OPA1: variants seen among roughly 807,000 people sequenced by gnomAD.
OPA1 encodes the protein OPA1 mitochondrial dynamin like GTPase.
A neutral mutation model predicts 152.9 loss-of-function variants in OPA1; 59 were observed. That is an observed-to-expected ratio of 0.39 (90% CI 0.31 to 0.48). OPA1 has a LOEUF of 0.48. Among genes scored for constraint, OPA1 ranks in the 20% least tolerant of loss-of-function variants. The pLI is 0.96. For synonymous variants in OPA1, 400 were observed against 389.9 expected (o/e 1.03, Z -0.31); for missense variants, 1,008 against 1,216.8 (o/e 0.83, Z 2.55).
At chr3:193,618,644 G>T (rs551744312) in intron 5 of OPA1, 1 of 503,342 alleles carries the variant, frequency 2.0e-6, no homozygotes, top group Non-Finnish European at 3.5e-6. Context: ...ATTTTTAATT[G>T]TTAGGTTAAA....
chr3:193,684,446 C>CTT (rs67027119), intron 29 of OPA1, among the ~76,000 whole-genome samples: 82 of 105,902 alleles, frequency 7.7e-4, no homozygotes, highest in East Asian at 1.8e-3. Flanking sequence ...ATGGTACTAC[C>CTT]TTTTTTTTTT....
At chr3:193,617,325 A>T in intron 4 of OPA1, 40 bp downstream of exon 4, 1 of 1,211,192 alleles carries the variant, frequency 8.3e-7, no homozygotes, top group Non-Finnish European at 1.2e-6. Context: ...AAAATTTAAG[A>T]ACCATGGAGG....
At position 193,657,167 on chromosome 3, in the gene OPA1, A is replaced by G; in HGVS notation, c.2266A>G (p.Lys756Glu). 6.2e-7 allele frequency: 1 copy of G among 1,613,986 alleles called. No individual in the cohort carries two copies. The highest frequency in any genetic ancestry group is 8.5e-7 in the Non-Finnish European group (1 of 1,179,882). ...KEHDDIFDKL[K>E]EAVKEESIKR... ...GCATGATGACATATTTGATAAACTT[A>G]AAGAGGCTGTTAAGGAAGAAAGTAT... is the stretch of plus-strand genomic sequence containing the variant. Residue 756 changes from lysine (K) to glutamate (E), a missense_variant, in exon 23 of 31, where the codon AAA becomes GAA. This residue lies in a region of OPA1 where 229 missense variants were observed against 269.0 expected (regional missense o/e 0.85). Coordinates refer to ENST00000361510, the MANE Select transcript of OPA1 (RefSeq NM_130837.3).
chr3:193,642,144 A>G (rs766803607), intron 11 of OPA1, among the ~76,000 whole-genome samples: 20 of 152,018 alleles, frequency 1.3e-4, no homozygotes, highest in Non-Finnish European at 2.1e-4. Flanking sequence ...AACAAAACAA[A>G]ATTTCTTACC....
At chr3:193,630,682 G>A (rs1005672567) in intron 7 of OPA1, among the ~76,000 whole-genome samples, 2 of 152,022 alleles carry the variant, frequency 1.3e-5, no homozygotes, top group African/African-American at 4.8e-5. Flanking sequence ...TACAAGTTTT[G>A]ATTTTCAGAA....
intron 7 of OPA1, among the ~76,000 whole-genome samples, chr3:193,630,607 A>AAC (rs1163266899): frequency 1.3e-5 from 2 of 152,194 alleles, no homozygotes; most frequent in Non-Finnish European, 2.9e-5. Flanking sequence ...AATGAAGATC[A>AAC]ACAAGGATTT....
intron 8 of OPA1, among the ~76,000 whole-genome samples, chr3:193,632,384 G>A (rs1384791425): frequency 1.3e-5 from 2 of 152,182 alleles, no homozygotes; most frequent in East Asian, 3.9e-4. Flanking sequence ...AGGAGGCTGA[G>A]GCAGGAGAAT....
intron 26 of OPA1, among the ~76,000 whole-genome samples, 187 bp from the exon 27 acceptor site, chr3:193,664,693 G>A (rs1352744460): frequency 6.6e-6 from 1 of 151,962 alleles, no homozygotes; most frequent in Admixed American, 6.6e-5. Context: ...CAGAGTAGTA[G>A]TAAATCTAAT....
chr3:193,672,855 C>T (rs1305866130), intron 29 of OPA1, among the ~76,000 whole-genome samples: 1 of 125,924 alleles, frequency 7.9e-6, no homozygotes, highest in Non-Finnish European at 1.6e-5. Context: ...GGTAACAGAG[C>T]GAGACTCCAT....
At chr3:193,618,762 T>C (rs745444482) in intron 5 of OPA1, 107 bp from the exon 6 acceptor site, 1 of 859,108 alleles carries the variant, frequency 1.2e-6, no homozygotes, top group Admixed American at 1.7e-5. Flanking sequence ...GAATCTGAGT[T>C]GCTCTAAAAA....
chr3:193,644,260 A>G, intron 16 of OPA1, 155 bp downstream of exon 16: 1 of 845,538 alleles, frequency 1.2e-6, no homozygotes, highest in Non-Finnish European at 1.8e-6. Context: ...CACAAAAGGA[A>G]ATGGTACATG....
Position 193,659,574 on chromosome 3 carries a change from A to G in OPA1, c.2520+13A>G, listed in dbSNP as rs371943802. On this transcript the variant is annotated intron_variant, in intron 25 of 30. Coordinates refer to ENST00000361510, the MANE Select transcript of OPA1 (RefSeq NM_130837.3). The stretch of plus-strand genomic sequence containing the variant: ...GACCCAAGAACAGGTAGAAATAAAC[A>G]AGTCTCTAGTCTTATGATGATATAA... 1.4e-5 allele frequency: 22 copies of G among 1,598,046 alleles called. No homozygotes were observed. The African/African-American group carries it at 3.0e-4, about 21-fold the overall frequency.
At chr3:193,641,534 A>G (rs1733785891) in intron 11 of OPA1, among the ~76,000 whole-genome samples, 4 of 152,166 alleles carry the variant, frequency 2.6e-5, no homozygotes. Context: ...GTGACTACTT[A>G]ATAACTCGGA....
chr3:193,690,308 C>G lies in OPA1; in HGVS notation c.2984-1755C>G, dbSNP rs1721495691. The stretch of plus-strand genomic sequence containing the variant: ...CTTGATTAAAACAACTGGACTCCCC[C>G]CCCACCCCACCCCACACACACACAG... On this transcript the variant is annotated intron_variant, in intron 29 of 30. Transcript: ENST00000361510. Among the ~76,000 whole-genome samples, 6 of 49,396 alleles carry G rather than the reference C, an allele frequency of 1.2e-4. 1 individual carries two copies. The South Asian group carries it at 8.2e-3, about 67-fold the overall frequency. The allele number at this position is 49,396 out of a possible 152,430, so 32.4% of individuals were successfully genotyped here. A position where few individuals can be genotyped will look rare whatever the true frequency, so the allele number is the denominator to read the frequency against.
At chr3:193,631,788 A>T in intron 8 of OPA1, 123 bp downstream of exon 8, 1 of 774,328 alleles carries the variant, frequency 1.3e-6, no homozygotes, top group Non-Finnish European at 2.3e-6. Context: ...ATAGAACCTT[A>T]TTATTATCGA....
intron 29 of OPA1, among the ~76,000 whole-genome samples, chr3:193,675,327 GAAAAAA>G (rs988338349): frequency 1.6e-5 from 1 of 63,396 alleles, no homozygotes; most frequent in African/African-American, 6.1e-5. Context: ...TTTTTTTTAA[GAAAAAA>G]AAAAAAAAAA....
At chr3:193,680,544 C>T (rs1719968885) in intron 29 of OPA1, among the ~76,000 whole-genome samples, 1 of 152,172 alleles carries the variant, frequency 6.6e-6, no homozygotes, top group Non-Finnish European at 1.5e-5. Context: ...CAGAAGGGGC[C>T]TTCTTATAAA....
intron 1 of OPA1, 39 bp from the exon 2 acceptor site, chr3:193,614,684 C>T: frequency 6.9e-7 from 1 of 1,449,094 alleles, no homozygotes; most frequent in Non-Finnish European, 9.7e-7. Context: ...TGTACTGTTA[C>T]CCTCTCTGAT....
intron 3 of OPA1, among the ~76,000 whole-genome samples, chr3:193,616,811 C>A: frequency 6.6e-6 from 1 of 152,188 alleles, no homozygotes; most frequent in Non-Finnish European, 1.5e-5. Context: ...TCTATACTTG[C>A]ACTTATTCAC....
Sources: allele counts gnomAD v4.1 joint callset (sites outside exome capture counted in the v4.1 genomes callset), GRCh38; gene constraint gnomAD v4.1.1; regional missense constraint gnomAD v4.1.1; transcripts MANE v1.5; gene names NCBI Gene and HGNC (gene_info 2026-07-23, HGNC 2026-07-21).